MYO18A: variants seen among roughly 807,000 people sequenced by gnomAD.
The protein encoded by MYO18A is myosin XVIIIA, also known as unconventional myosin-XVIIIa.
Under a neutral mutation model 235.8 loss-of-function variants are expected in MYO18A, and 78 were observed. That is an observed-to-expected ratio of 0.33 (90% CI 0.28 to 0.40). The LOEUF (loss-of-function observed/expected upper bound fraction) is 0.40. MYO18A is among the 10% of genes least tolerant of loss of function. The pLI is 1.00. For synonymous variants in MYO18A, 977 were observed against 1,077.8 expected (o/e 0.91, Z 1.83); for missense variants, 2,215 against 2,699.3 (o/e 0.82, Z 3.98).
Position 29,118,540 on chromosome 17 carries a change from G to A in MYO18A, c.1830-100C>T. 3.6e-6 allele frequency: 4 copies of A among 1,096,330 alleles called. No homozygotes were observed. Among genetic ancestry groups the A allele is most frequent in the Non-Finnish European group, 5.3e-6 (4 of 748,710 alleles). 67.9% of individuals were successfully genotyped at this position (1,096,330 alleles called of 1,614,324 possible). A position where few individuals can be genotyped will look rare whatever the true frequency, so the allele number is the denominator to read the frequency against. On this transcript the variant is annotated intron_variant, in intron 8 of 41. Coordinates refer to ENST00000527372, the MANE Select transcript of MYO18A (RefSeq NM_078471.4). This position sits in a 1 kb window ranked among gnomAD's most constrained non-coding sequence, Gnocchi z 4.2. ...GACAGACTCAGCTTCCAGACTCCAA[G>A]TTTTGTCTGCCCATCATCCCATCAT... is the stretch of plus-strand genomic sequence containing the variant.
At chr17:29,147,212 C>T (rs2067866786) in intron 2 of MYO18A, among the ~76,000 whole-genome samples, 1 of 152,180 alleles carries the variant, frequency 6.6e-6, no homozygotes, top group East Asian at 1.9e-4. Context: ...ATGATTTAAC[C>T]TGTGCCTTAA....
chr17:29,110,136 T>C, intron 18 of MYO18A, 35 bp from the exon 19 acceptor site: 1 of 1,596,426 alleles, frequency 6.3e-7, no homozygotes, highest in Non-Finnish European at 8.5e-7. Context: ...CAGTGGGCTC[T>C]GATGGCCTGT....
At chr17:29,136,252 T>A (rs12325729) in intron 2 of MYO18A, among the ~76,000 whole-genome samples, 5,242 of 59,096 alleles carry the variant, frequency 0.089, 175 homozygotes, top group African/African-American at 0.21. Context: ...AAAAAAAAAA[T>A]ATATATATAT....
At position 29,122,341 on chromosome 17, in the gene MYO18A, G is replaced by A. The variant is rs948228297; in HGVS notation, c.1000-88C>T. ...AGAGGGGAGACAAGTGAGGGCATGG[G>A]CTTTGAGACAAGCCACTGGGCAAGG... On this transcript the variant is annotated intron_variant, in intron 2 of 41. Coordinates refer to ENST00000527372, the MANE Select transcript of MYO18A (RefSeq NM_078471.4). The A allele has an allele frequency of 5.7e-6, 7 of 1,225,488 alleles. No individual in the cohort carries two copies. The African/African-American group carries it at 9.0e-5, about 16-fold the overall frequency. 75.9% of individuals were successfully genotyped at this position (1,225,488 alleles called of 1,614,324 possible).
At chr17:29,093,050 T>A (rs754535132) in intron 32 of MYO18A, 49 bp from the exon 33 acceptor site, 34 of 1,581,414 alleles carry the variant, frequency 2.1e-5, no homozygotes, top group Non-Finnish European at 2.8e-5. Context: ...CAGGGCTTCC[T>A]CCTATCTTCC....
rs141046405 is a variant in MYO18A, at chr17:29,081,331, C to A, written c.6020+985G>T. Among the ~76,000 whole-genome samples, 130 of 152,336 alleles carry A rather than the reference C, an allele frequency of 8.5e-4. 1 individual carries two copies. In the East Asian group the frequency reaches 0.024, roughly 28 times the overall value. ...ATTGTCAACTACCTGGAGCCTCGTG[C>A]CATGCCGTGGTGAACCACGGCAGTG... On this transcript the variant is annotated intron_variant, in intron 41 of 41. Transcript: ENST00000527372.
chr17:29,078,644 C>T (rs2066042785), intron 41 of MYO18A: 2 of 152,228 alleles, frequency 1.3e-5, no homozygotes, highest in African/African-American at 4.8e-5. Context: ...CCTGGGAGGG[C>T]AGCATGCCAA....
rs1270366665 is a variant in MYO18A at position 29,180,160 on chromosome 17, G to A, written c.-82+153C>T. Among the ~76,000 whole-genome samples, 2 of 151,960 alleles carry A rather than the reference G, an allele frequency of 1.3e-5. No homozygotes were observed. The highest frequency in any genetic ancestry group is 1.3e-4 in the Admixed American group (2 of 15,284). ...GCGCCGCCAGGGACGGGAGCCGGGAGTCCGGGCCGCTGCTTCCAGGGGACG... is the reference window on the plus strand; with the variant it reads ...GCGCCGCCAGGGACGGGAGCCGGGAATCCGGGCCGCTGCTTCCAGGGGACG... On this transcript the variant is annotated intron_variant, in intron 1 of 41. Transcript: ENST00000527372. This position sits in a 1 kb window ranked among gnomAD's most constrained non-coding sequence, Gnocchi z 6.1.
chr17:29,116,913 C>T (rs2067086624), intron 10 of MYO18A, among the ~76,000 whole-genome samples: 1 of 152,024 alleles, frequency 6.6e-6, no homozygotes, highest in Admixed American at 6.5e-5. Flanking sequence ...CAGCCACACG[C>T]CTGCCCGCCT....
intron 1 of MYO18A, among the ~76,000 whole-genome samples, chr17:29,174,258 C>T (rs1835877448): frequency 6.6e-6 from 1 of 152,168 alleles, no homozygotes; most frequent in Non-Finnish European, 1.5e-5. Context: ...CTAATTCCAG[C>T]ACTTTGGGAG....
In MYO18A at chr17:29,171,792, C is replaced by T. The variant is rs1444045748; in HGVS notation, c.-81-4771G>A. Among the ~76,000 whole-genome samples, 4 of 151,618 alleles carry T rather than the reference C, an allele frequency of 2.6e-5. No individual in the cohort carries two copies. The South Asian group carries it at 6.2e-4, about 24-fold the overall frequency. ...ATGCCTGTGGGAGCTACTTGGGAGG[C>T]TAAAGTGGGAAGATCACCTGAGCCT... On this transcript the variant is annotated intron_variant, in intron 1 of 41. Transcript: ENST00000527372.
intron 40 of MYO18A, 114 bp from the exon 41 acceptor site, chr17:29,082,552 C>A: frequency 9.1e-7 from 1 of 1,093,456 alleles, no homozygotes; most frequent in Admixed American, 2.2e-5. Context: ...GCAGCATGCA[C>A]GTCGGTGAGT....
At chr17:29,098,675 G>T in intron 23 of MYO18A, 151 bp downstream of exon 23, 1 of 1,207,320 alleles carries the variant, frequency 8.3e-7, no homozygotes, top group Non-Finnish European at 1.1e-6. Context: ...CAGGGGCTCA[G>T]CCAGCACCCC....
chr17:29,097,261 C>G lies in MYO18A; in HGVS notation c.4192G>C (p.Glu1398Gln). The G allele has an allele frequency of 6.2e-7, 1 of 1,611,342 alleles. No homozygotes were observed. The highest frequency in any genetic ancestry group is 8.5e-7 in the Non-Finnish European group (1 of 1,179,872). Residue 1398 changes from glutamate (E) to glutamine (Q), a missense_variant, in exon 27 of 42, where the codon GAG becomes CAG. Physicochemically the swap from Glu to Gln is conservative, Grantham distance 29 (BLOSUM62 2). Coordinates refer to ENST00000527372, the MANE Select transcript of MYO18A (RefSeq NM_078471.4). ...RLQQEFEDKLEVEQQNKRQLE... is the reference protein window; with the variant it reads ...RLQQEFEDKLQVEQQNKRQLE... ...TGCCTCTTGTTCTGCTGCTCCACCT[C>G]CAGCTTGTCCTCAAACTCCTGCTGG... is the stretch of plus-strand genomic sequence containing the variant.
rs35478786 is a variant in MYO18A, at chr17:29,072,202, CTTTTTTTTTTT to C, written c.*2557_*2567del. 2 of 91,496 alleles carry C rather than the reference CTTTTTTTTTTT, an allele frequency of 2.2e-5. No individual in the cohort carries two copies. The highest frequency in any genetic ancestry group is 3.4e-4 in the East Asian group (1 of 2,966). 5.7% of individuals were successfully genotyped at this position (91,496 alleles called of 1,614,324 possible). ...ACAGAACTGAACATAAGCTAGCAGCCTTTTTTTTTTTTTTTTTTTTTTTGTAAAAAAAAGTA... is the reference window on the plus strand; with the variant it reads ...ACAGAACTGAACATAAGCTAGCAGCCTTTTTTTTTTTTGTAAAAAAAAGTA... On this transcript the variant is annotated 3_prime_UTR_variant, in exon 42 of 42. Coordinates refer to ENST00000527372, the MANE Select transcript of MYO18A (RefSeq NM_078471.4).
intron 37 of MYO18A, among the ~76,000 whole-genome samples, chr17:29,087,450 A>AC (rs1223307497): frequency 3.9e-5 from 6 of 152,004 alleles, no homozygotes; most frequent in Non-Finnish European, 8.8e-5. Flanking sequence ...CGGTATTGAC[A>AC]CTGCATGTAG....
At chr17:29,079,594 G>T in intron 41 of MYO18A, 1 of 549,012 alleles carries the variant, frequency 1.8e-6, no homozygotes, top group Non-Finnish European at 2.3e-6. Context: ...AGGCAGCCAG[G>T]AGGCTCTCCG....
chr17:29,109,799 G>A lies in MYO18A; in HGVS notation c.3331+59C>T. 6.5e-7 allele frequency: 1 copy of A among 1,530,812 alleles called. No individual in the cohort carries two copies. Among genetic ancestry groups the A allele is most frequent in the South Asian group, 1.2e-5 (1 of 82,394 alleles). The allele number at this position is 1,530,812 out of a possible 1,614,324, so 94.8% of individuals were successfully genotyped here. The stretch of plus-strand genomic sequence containing the variant: ...CCACGGGTCGCAGGTGGGAGGTGGG[G>A]CCGGGCAGGGCCAGCTCTGGAAAAG... On this transcript the variant is annotated intron_variant, in intron 19 of 41. Transcript: ENST00000527372. This position sits in a 1 kb window ranked among gnomAD's most constrained non-coding sequence, Gnocchi z 4.1.
chr17:29,078,080 T>A (rs1329426687), intron 41 of MYO18A: 1 of 152,266 alleles, frequency 6.6e-6, no homozygotes, highest in African/African-American at 2.4e-5. Flanking sequence ...AGTGGTGCGA[T>A]CTCGGTTCAT....
Sources: allele counts gnomAD v4.1 joint callset (sites outside exome capture counted in the v4.1 genomes callset), GRCh38; gene constraint gnomAD v4.1.1; non-coding constraint Gnocchi (gnomAD v3.1); transcripts MANE v1.5; gene names NCBI Gene and HGNC (gene_info 2026-07-23, HGNC 2026-07-21).